The following CLDN16 variants were observed in gnomAD, a reference collection of about 807,000 sequenced individuals.
CLDN16 encodes claudin-16.
In CLDN16, 13 loss-of-function variants were observed where a neutral mutation model predicts 24.6. The observed-to-expected ratio is 0.53, with a 90% CI of 0.34 to 0.84. The LOEUF (loss-of-function observed/expected upper bound fraction) is 0.84, where lower values mean the gene tolerates loss of function less well. Among genes scored for constraint, CLDN16 ranks in the 40% least tolerant of loss-of-function variants. The pLI, the probability that CLDN16 is intolerant of heterozygous loss-of-function variation, is 0.01. For missense variants in CLDN16, 298 were observed against 292.7 expected, an observed-to-expected ratio of 1.02 and a Z score of -0.13; for synonymous variants, 116 against 106.7, an observed-to-expected ratio of 1.09 and a Z score of -0.54.
intron 3 of CLDN16, among the ~76,000 whole-genome samples, chr3:190,379,975 G>GTCTATCTATTTATCTA (rs60043315): frequency 0.057 from 8,531 of 149,072 alleles, 356 homozygotes; most frequent in East Asian, 0.15. Flanking sequence ...TATCAACTCT[G>GTCTATCTATTTATCTA]TCTATCTATC....
intron 1 of CLDN16, among the ~76,000 whole-genome samples, chr3:190,330,037 T>C (rs1717149469): frequency 6.7e-6 from 1 of 149,976 alleles, no homozygotes; most frequent in African/African-American, 2.5e-5. Flanking sequence ...ATCTCAACCG[T>C]CCCCCCTCCA....
At chr3:190,345,066 G>A (rs1458095267) in intron 1 of CLDN16, among the ~76,000 whole-genome samples, 2 of 152,162 alleles carry the variant, frequency 1.3e-5, no homozygotes, top group African/African-American at 4.8e-5. Context: ...AAAGGGTAAA[G>A]TAATTTGACT....
upstream of CLDN16, chr3:190,387,936 A>C: frequency 1.6e-6 from 1 of 628,640 alleles, no homozygotes; most frequent in Non-Finnish European, 2.8e-6. Context: ...ATCAGTTTAC[A>C]GGTTCCAGCA....
At chr3:190,405,007 C>A in intron 3 of CLDN16, 81 bp downstream of exon 3, 1 of 1,429,070 alleles carries the variant, frequency 7.0e-7, no homozygotes, top group Non-Finnish European at 9.9e-7. Flanking sequence ...TGTGCTGAAG[C>A]TGCTCATTTT....
Position 190,411,182 on chromosome 3 carries a change from C to T in CLDN16, c.*1146C>T, listed in dbSNP as rs968913173. 6.6e-6 allele frequency: 1 copy of T among 152,114 alleles called. No individual in the cohort carries two copies. Among genetic ancestry groups the T allele is most frequent in the Admixed American group, 6.5e-5 (1 of 15,272 alleles). 9.4% of individuals were successfully genotyped at this position (152,114 alleles called of 1,614,324 possible). ...GGCTGAGGCAGGAGAATCGTTTGAA[C>T]CCAGGAGGTGGAGGTTGCAGTGAGC... On this transcript the variant is annotated 3_prime_UTR_variant, in exon 5 of 5. Coordinates refer to ENST00000264734, the MANE Select transcript of CLDN16 (RefSeq NM_006580.4).
At chr3:190,407,963 T>C (rs1719147883) in intron 3 of CLDN16, among the ~76,000 whole-genome samples, 1 of 152,230 alleles carries the variant, frequency 6.6e-6, no homozygotes, top group African/African-American at 2.4e-5. Flanking sequence ...TTCTGTTTTG[T>C]TTGGTTTTGT....
intron 1 of CLDN16, among the ~76,000 whole-genome samples, chr3:190,352,815 A>G (rs1363957639): frequency 1.3e-5 from 2 of 152,034 alleles, no homozygotes; most frequent in South Asian, 4.1e-4. Flanking sequence ...GGATAAAAAA[A>G]ACCTCTTTTC....
chr3:190,318,204 G>A (rs888435349), upstream of CLDN16, among the ~76,000 whole-genome samples: 1 of 152,166 alleles, frequency 6.6e-6, no homozygotes, highest in Non-Finnish European at 1.5e-5. Context: ...GGATGAGGCA[G>A]GATGTACCAC....
At chr3:190,353,311 C>T (rs1294683130) in intron 1 of CLDN16, among the ~76,000 whole-genome samples, 1 of 152,040 alleles carries the variant, frequency 6.6e-6, no homozygotes, top group Admixed American at 6.6e-5. Flanking sequence ...ACCTACTTTC[C>T]ACACCATACC....
At chr3:190,375,198 A>G (rs1718221805) in intron 3 of CLDN16, among the ~76,000 whole-genome samples, 1 of 151,960 alleles carries the variant, frequency 6.6e-6, no homozygotes, top group Admixed American at 6.6e-5. Context: ...TTTCTTTCAT[A>G]TATAATTCCT....
At chr3:190,303,126 T>G in the CLDN16 span, among the ~76,000 whole-genome samples, 1 of 152,304 alleles carries the variant, frequency 6.6e-6, no homozygotes, top group African/African-American at 2.4e-5. Context: ...TGGTAAAAAA[T>G]TATCACAAAA....
At chr3:190,384,904 C>A (rs1490976139), upstream of CLDN16, among the ~76,000 whole-genome samples, 1 of 152,118 alleles carries the variant, frequency 6.6e-6, no homozygotes, top group East Asian at 1.9e-4. Flanking sequence ...ACAGTAATAA[C>A]TTTTCTTCAT....
chr3:190,402,364 TG>T lies in CLDN16; in HGVS notation c.145del (p.Glu49AsnfsTer25). The T allele has an allele frequency of 6.2e-7, 1 of 1,614,024 alleles. No individual in the cohort carries two copies. The highest frequency in any genetic ancestry group is 8.5e-7 in the Non-Finnish European group (1 of 1,179,978). On this transcript the variant is annotated frameshift_variant, in exon 2 of 5. Coordinates refer to ENST00000264734, the MANE Select transcript of CLDN16 (RefSeq NM_006580.4). LOFTEE classifies it high-confidence loss of function. ...EVSTKCRGLWWECVTNAFDGI... is the reference protein window; with the variant it reads ...EVSTKCRGLWXECVTNAFDGI... The stretch of plus-strand genomic sequence containing the variant: ...GAGCACAAAATGCCGAGGCCTCTGG[TG>T]GGAATGCGTCACAAATGCTTTTGAT...
intron 1 of CLDN16, among the ~76,000 whole-genome samples, chr3:190,334,357 G>C (rs1300629607): frequency 2.6e-5 from 4 of 152,202 alleles, no homozygotes; most frequent in Non-Finnish European, 5.9e-5. Flanking sequence ...TGCTATATCA[G>C]GTAGGGAGCC....
At chr3:190,372,413 C>T (rs1718161278) in intron 2 of CLDN16, among the ~76,000 whole-genome samples, 1 of 151,844 alleles carries the variant, frequency 6.6e-6, no homozygotes, top group Non-Finnish European at 1.5e-5. Flanking sequence ...GAGGCTGATG[C>T]TGTAGTATCA....
In CLDN16 at chr3:190,388,301, G is replaced by A. The variant is rs759268862; in HGVS notation, c.-29G>A. 6 of 1,613,990 alleles carry A rather than the reference G, an allele frequency of 3.7e-6. No homozygotes were observed. Among genetic ancestry groups the A allele is most frequent in the African/African-American group, 1.3e-5 (1 of 74,900 alleles). ...GGGGCCAGGGCTGGTGTCTGCCCATGTTGCCATCCTGATGGGCTGCTTGCC... is the reference window on the plus strand; with the variant it reads ...GGGGCCAGGGCTGGTGTCTGCCCATATTGCCATCCTGATGGGCTGCTTGCC... On this transcript the variant is annotated 5_prime_UTR_variant, in exon 1 of 5. The change abolishes an upstream ATG in the 5' untranslated region. Transcript: ENST00000264734.
intron 3 of CLDN16, among the ~76,000 whole-genome samples, chr3:190,378,879 C>T (rs1055181006): frequency 1.5e-4 from 22 of 151,598 alleles, no homozygotes; most frequent in South Asian, 6.3e-4. Context: ...ATATAGTCCT[C>T]ATTTTCGTCA....
chr3:190,345,006 A>C (rs1717521541), intron 1 of CLDN16, among the ~76,000 whole-genome samples: 1 of 152,218 alleles, frequency 6.6e-6, no homozygotes, highest in African/African-American at 2.4e-5. Context: ...ATTCAGAGAC[A>C]GAGGAAGAGT....
chr3:190,364,798 G>C (rs1717982375), intron 1 of CLDN16, among the ~76,000 whole-genome samples: 1 of 151,610 alleles, frequency 6.6e-6, no homozygotes, highest in Non-Finnish European at 1.5e-5. Flanking sequence ...TGTGGAATAT[G>C]CTGTCTCAAA....
Sources: gnomAD v4.1 joint callset for allele counts (sites outside exome capture counted in the v4.1 genomes callset) on GRCh38, gnomAD v4.1.1 for gene constraint, MANE v1.5 for transcripts, NCBI Gene and HGNC (gene_info 2026-07-23, HGNC 2026-07-21) for gene names.